Variants in P4HA3 observed in about 807,000 individuals in gnomAD.
P4HA3 encodes the protein prolyl 4-hydroxylase subunit alpha 3.
In P4HA3, 60 loss-of-function variants were observed where a neutral mutation model predicts 66.7. The observed-to-expected ratio is 0.90, with a 90% CI of 0.73 to 1.12. The LOEUF (loss-of-function observed/expected upper bound fraction) is 1.12. P4HA3 is among the 50% of genes most tolerant of loss of function. The pLI, the probability that P4HA3 is intolerant of heterozygous loss-of-function variation, is 0.00. For synonymous variants in P4HA3, 263 were observed against 274.6 expected, an observed-to-expected ratio of 0.96 and a Z score of 0.42; for missense variants, 683 against 685.8, an observed-to-expected ratio of 1.00 and a Z score of 0.05.
chr11:74,288,573 T>C (rs926524942), intron 5 of P4HA3, among the ~76,000 whole-genome samples: 1 of 152,184 alleles, frequency 6.6e-6, no homozygotes, highest in South Asian at 2.1e-4. Flanking sequence ...TCCAACTAAC[T>C]TAAAAATTTC....
intron 15 of P4HA3, chr11:74,251,143 G>A (rs753574894): frequency 2.2e-4 from 335 of 1,499,460 alleles, no homozygotes; most frequent in Admixed American, 4.0e-4. Flanking sequence ...CTATGCAGAT[G>A]CAGTTCCACC....
intron 1 of P4HA3, among the ~76,000 whole-genome samples, chr11:74,305,814 C>G (rs1385820666): frequency 6.6e-6 from 1 of 152,134 alleles, no homozygotes; most frequent in Non-Finnish European, 1.5e-5. Flanking sequence ...ATGAAGTATA[C>G]TCTCCTAGGA....
At chr11:74,288,602 G>A (rs1244482590) in intron 5 of P4HA3, among the ~76,000 whole-genome samples, 1 of 152,128 alleles carries the variant, frequency 6.6e-6, no homozygotes, top group Non-Finnish European at 1.5e-5. Context: ...GCATTGAACA[G>A]CATGTAAGAT....
intron 4 of P4HA3, among the ~76,000 whole-genome samples, chr11:74,293,362 C>A (rs1033275135): frequency 9.9e-5 from 15 of 152,158 alleles, no homozygotes; most frequent in African/African-American, 3.6e-4. Flanking sequence ...GATGAGTTTC[C>A]TGAATACAGC....
chr11:74,295,616 AT>A (rs1181466413), intron 4 of P4HA3, among the ~76,000 whole-genome samples: 4 of 152,200 alleles, frequency 2.6e-5, no homozygotes, highest in Non-Finnish European at 5.9e-5. Flanking sequence ...TTATAAGCAT[AT>A]TTTTATACAC....
chr11:74,279,325 C>A, intron 8 of P4HA3, 63 bp downstream of exon 8: 2 of 1,487,722 alleles, frequency 1.3e-6, no homozygotes, highest in Non-Finnish European at 1.9e-6. Flanking sequence ...TGCTGACTGG[C>A]AGTCAGCTAT....
intron 15 of P4HA3, chr11:74,250,917 T>C: frequency 2.6e-6 from 4 of 1,535,158 alleles, no homozygotes; most frequent in Non-Finnish European, 3.6e-6. Context: ...AGGGCTCTTT[T>C]AGTCGCTGAA....
At chr11:74,255,944 A>C in intron 15 of P4HA3, 1 of 516,844 alleles carries the variant, frequency 1.9e-6, no homozygotes, top group Middle Eastern at 3.2e-4. Flanking sequence ...GCCTTTGCTG[A>C]GCTATGTGCC....
chr11:74,279,557 G>T, intron 7 of P4HA3, 105 bp from the exon 8 acceptor site: 1 of 1,060,424 alleles, frequency 9.4e-7, no homozygotes, highest in Non-Finnish European at 1.5e-6. Context: ...CATAACAGAT[G>T]CCAGTTCCTC....
At chr11:74,293,447 T>C (rs532418286) in intron 4 of P4HA3, among the ~76,000 whole-genome samples, 2 of 152,336 alleles carry the variant, frequency 1.3e-5, no homozygotes, top group East Asian at 1.9e-4. Flanking sequence ...CCCATTTACA[T>C]TTAAGGTTAA....
intron 9 of P4HA3, among the ~76,000 whole-genome samples, chr11:74,276,388 C>A (rs1220898340): frequency 1.3e-5 from 2 of 151,710 alleles, no homozygotes; most frequent in East Asian, 3.9e-4. Flanking sequence ...CATAGCAGGA[C>A]CTTGTCTCTA....
At chr11:74,301,649 T>C (rs906786421) in intron 3 of P4HA3, among the ~76,000 whole-genome samples, 4 of 152,224 alleles carry the variant, frequency 2.6e-5, no homozygotes, top group Admixed American at 6.5e-5. Flanking sequence ...AAAATGGATT[T>C]GCTCCATTGC....
chr11:74,303,083 G>A (rs1240797550), intron 2 of P4HA3, among the ~76,000 whole-genome samples: 1 of 151,892 alleles, frequency 6.6e-6, no homozygotes, highest in Non-Finnish European at 1.5e-5. Flanking sequence ...TTCTGAGTAG[G>A]CAGGACTTCA....
At position 74,267,008 on chromosome 11, in the gene P4HA3, TC is replaced by T. The variant is rs2135700792; in HGVS notation, c.*239del. The stretch of plus-strand genomic sequence containing the variant: ...AGAAACTTCCCTCTCAGGCCTCCAC[TC>T]CCCCCTCCTTTGTACTGTGCATCCT... On this transcript the variant is annotated 3_prime_UTR_variant, in exon 13 of 13. Coordinates refer to ENST00000331597, the MANE Select transcript of P4HA3 (RefSeq NM_182904.5). 4 of 1,504,456 alleles carry T rather than the reference TC, an allele frequency of 2.7e-6. No individual in the cohort carries two copies. Among genetic ancestry groups the T allele is most frequent in the East Asian group, 2.5e-5 (1 of 40,546 alleles). 93.2% of individuals were successfully genotyped at this position (1,504,456 alleles called of 1,614,324 possible).
chr11:74,273,477 T>G, intron 10 of P4HA3, 68 bp downstream of exon 10: 1 of 1,315,842 alleles, frequency 7.6e-7, no homozygotes, highest in South Asian at 2.1e-5. Context: ...GTGAAATTGC[T>G]TTGAAAACAA....
Position 74,298,207 on chromosome 11 carries a change from C to T in P4HA3, c.717+5G>A. 1 of 1,613,216 alleles carries T rather than the reference C, an allele frequency of 6.2e-7. No individual in the cohort carries two copies. On this transcript the variant is annotated splice_donor_5th_base_variant and intron_variant, in intron 4 of 12. Coordinates refer to ENST00000331597, the MANE Select transcript of P4HA3 (RefSeq NM_182904.5). The stretch of plus-strand genomic sequence containing the variant: ...AAAAGCAGTGAGCTTCACTTACTCC[C>T]TTACCCGGAAATAAGCAAAGGCCAA...
downstream of P4HA3, among the ~76,000 whole-genome samples, chr11:74,262,918 C>T (rs1859931712): frequency 6.6e-6 from 1 of 152,244 alleles, no homozygotes; most frequent in African/African-American, 2.4e-5. Context: ...CTTCCTCCTC[C>T]CAGACAGCTC....
intron 15 of P4HA3, chr11:74,251,567 C>T: frequency 6.4e-7 from 1 of 1,571,580 alleles, no homozygotes; most frequent in Non-Finnish European, 8.6e-7. Flanking sequence ...TAGAGCCTAA[C>T]CATCTAACAG....
At chr11:74,273,524 G>C in intron 10 of P4HA3, 21 bp downstream of exon 10, 1 of 1,482,572 alleles carries the variant, frequency 6.7e-7, no homozygotes, top group Non-Finnish European at 9.0e-7. Flanking sequence ...CATGAAGTAA[G>C]AAGCCCAGAG....
Sources: allele counts gnomAD v4.1 joint callset (sites outside exome capture counted in the v4.1 genomes callset), GRCh38; gene constraint gnomAD v4.1.1; transcripts MANE v1.5; gene names NCBI Gene and HGNC (gene_info 2026-07-23, HGNC 2026-07-21).